RABGAP1L: variants seen among roughly 807,000 people sequenced by gnomAD.
The protein encoded by RABGAP1L is RAB GTPase activating protein 1 like.
In RABGAP1L, 63 loss-of-function variants were observed where a neutral mutation model predicts 137.7. The ratio of observed to expected loss-of-function variants is 0.46; its 90% CI spans 0.37 to 0.56. The LOEUF is 0.56. Among genes scored for constraint, RABGAP1L ranks in the 20% least tolerant of loss-of-function variants. RABGAP1L has a pLI of 0.00. For synonymous variants in RABGAP1L, 431 were observed against 433.7 expected (o/e 0.99, Z 0.08); for missense variants, 1,095 against 1,244.0 (o/e 0.88, Z 1.80).
chr1:174,496,415 A>C (rs1322118114), intron 13 of RABGAP1L, among the ~76,000 whole-genome samples: 1 of 152,186 alleles, frequency 6.6e-6, no homozygotes, highest in African/African-American at 2.4e-5. Flanking sequence ...GAACAGCAAG[A>C]TTGTCTGAGA....
At chr1:174,596,440 G>T (rs546056512) in intron 13 of RABGAP1L, among the ~76,000 whole-genome samples, 71 of 152,062 alleles carry the variant, frequency 4.7e-4, no homozygotes, top group African/African-American at 1.7e-3. Flanking sequence ...TCACTTCTTT[G>T]GTTAAGTTAT....
chr1:174,535,396 C>G (rs561565353), intron 13 of RABGAP1L, among the ~76,000 whole-genome samples: 1 of 152,238 alleles, frequency 6.6e-6, no homozygotes, highest in South Asian at 2.1e-4. Flanking sequence ...GTGGCTTAAA[C>G]TGCAAGAACT....
chr1:174,976,254 G>T, intron 22 of RABGAP1L, 72 bp downstream of exon 22: 1 of 1,260,872 alleles, frequency 7.9e-7, no homozygotes, highest in Non-Finnish European at 1.1e-6. Flanking sequence ...TAAAAAAGAA[G>T]GAAAATTAAA....
At chr1:174,569,337 C>T (rs990461459) in intron 13 of RABGAP1L, among the ~76,000 whole-genome samples, 6 of 152,134 alleles carry the variant, frequency 3.9e-5, no homozygotes, top group East Asian at 3.9e-4. Context: ...ATTCTGCCTT[C>T]CTCCTGTTAC....
intron 13 of RABGAP1L, among the ~76,000 whole-genome samples, chr1:174,597,077 T>C (rs560239563): frequency 6.6e-6 from 1 of 152,336 alleles, no homozygotes; most frequent in East Asian, 1.9e-4. Context: ...CAGTTGATCA[T>C]GATGAATGAT....
chr1:174,331,472 A>C (rs1681024692), intron 11 of RABGAP1L, among the ~76,000 whole-genome samples: 1 of 152,244 alleles, frequency 6.6e-6, no homozygotes, highest in Non-Finnish European at 1.5e-5. Context: ...AAAAATGGGC[A>C]AAAGATCTGA....
intron 18 of RABGAP1L, among the ~76,000 whole-genome samples, chr1:174,783,048 T>C (rs1687141329): frequency 6.6e-6 from 1 of 152,192 alleles, no homozygotes. Context: ...TTGTTCTGGC[T>C]GGAGCTGAGC....
At chr1:174,413,876 C>T (rs956982236) in intron 13 of RABGAP1L, among the ~76,000 whole-genome samples, 4 of 152,216 alleles carry the variant, frequency 2.6e-5, no homozygotes, top group Middle Eastern at 3.4e-3. Context: ...TTGTGTCAGG[C>T]AGTGTACTGA....
intron 22 of RABGAP1L, among the ~76,000 whole-genome samples, chr1:174,977,761 C>A (rs952276762): frequency 6.6e-6 from 1 of 152,084 alleles, no homozygotes; most frequent in African/African-American, 2.4e-5. Context: ...TCGTGGAAGG[C>A]GAGAAGGTTA....
intron 13 of RABGAP1L, among the ~76,000 whole-genome samples, chr1:174,463,518 G>T (rs1656950640): frequency 6.6e-6 from 1 of 151,732 alleles, no homozygotes; most frequent in African/African-American, 2.4e-5. Context: ...GTTGTGGGGT[G>T]GGGGAGGGGG....
At chr1:174,223,674 C>T (rs1389005504) in intron 3 of RABGAP1L, among the ~76,000 whole-genome samples, 3 of 152,112 alleles carry the variant, frequency 2.0e-5, no homozygotes, top group African/African-American at 7.2e-5. Context: ...AAAGATGTAA[C>T]TTATCTCCAA....
At chr1:174,756,059 G>A (rs1684728777) in intron 18 of RABGAP1L, among the ~76,000 whole-genome samples, 1 of 152,124 alleles carries the variant, frequency 6.6e-6, no homozygotes, top group Admixed American at 6.6e-5. Context: ...GTTAATATAT[G>A]ATTGATGCCT....
chr1:174,716,431 G>A (rs1053030688), intron 17 of RABGAP1L, among the ~76,000 whole-genome samples: 9 of 152,158 alleles, frequency 5.9e-5, no homozygotes, highest in Non-Finnish European at 1.2e-4. Flanking sequence ...GCAGGTATGC[G>A]CCACTGTACC....
chr1:174,489,263 T>G (rs1308930386), intron 13 of RABGAP1L, among the ~76,000 whole-genome samples: 1 of 151,976 alleles, frequency 6.6e-6, no homozygotes, highest in Non-Finnish European at 1.5e-5. Context: ...GGGAGAAAAT[T>G]TTTGCAATCT....
intron 5 of RABGAP1L, among the ~76,000 whole-genome samples, chr1:174,247,356 C>T (rs941354137): frequency 6.6e-6 from 1 of 152,078 alleles, no homozygotes; most frequent in Non-Finnish European, 1.5e-5. Context: ...GAGTCATGGC[C>T]CAAAACCCCC....
chr1:174,878,996 C>T (rs1182455421), intron 19 of RABGAP1L, among the ~76,000 whole-genome samples: 5 of 136,492 alleles, frequency 3.7e-5, no homozygotes, highest in Middle Eastern at 7.7e-3. Context: ...TACAGTGACA[C>T]GATTTCAGCT....
intron 11 of RABGAP1L, among the ~76,000 whole-genome samples, chr1:174,311,580 A>G (rs765148793): frequency 2.0e-5 from 3 of 152,154 alleles, no homozygotes; most frequent in Non-Finnish European, 2.9e-5. Flanking sequence ...CTCCAGTTCA[A>G]TCCATGTTGT....
intron 12 of RABGAP1L, among the ~76,000 whole-genome samples, chr1:174,386,838 C>G (rs1291869676): frequency 1.3e-5 from 2 of 152,034 alleles, no homozygotes; most frequent in Non-Finnish European, 2.9e-5. Flanking sequence ...TGTAGAAGTT[C>G]TAGTGAGTAA....
At chr1:174,937,162 A>G (rs1020708718) in intron 19 of RABGAP1L, among the ~76,000 whole-genome samples, 1 of 151,850 alleles carries the variant, frequency 6.6e-6, no homozygotes. Context: ...TATTTTTAGT[A>G]GAGATAGGGT....
Sources: gnomAD v4.1 joint callset for allele counts (sites outside exome capture counted in the v4.1 genomes callset) on GRCh38, gnomAD v4.1.1 for gene constraint, MANE v1.5 for transcripts, NCBI Gene and HGNC (gene_info 2026-07-23, HGNC 2026-07-21) for gene names.